The following WDHD1 variants were observed in gnomAD, a reference collection of about 807,000 sequenced individuals.
The protein encoded by WDHD1 is WD repeat and HMG-box DNA binding protein 1.
In WDHD1, 111 loss-of-function variants were observed where a neutral mutation model predicts 135.4. The observed-to-expected ratio is 0.82, with a 90% CI of 0.70 to 0.96. The LOEUF (loss-of-function observed/expected upper bound fraction) is 0.96. WDHD1 is among the 40% of genes least tolerant of loss of function. The probability of loss-of-function intolerance (pLI) is 0.00; values close to 1 mark genes in which losing one functional copy is unlikely to be tolerated. For synonymous variants in WDHD1, 434 were observed against 439.0 expected (o/e 0.99, Z 0.14); for missense variants, 1,351 against 1,336.3 (o/e 1.01, Z -0.17).
At chr14:54,950,153 T>A (rs2041017819) in intron 24 of WDHD1, among the ~76,000 whole-genome samples, 1 of 152,150 alleles carries the variant, frequency 6.6e-6, no homozygotes, top group Non-Finnish European at 1.5e-5. Context: ...ATATTAACCT[T>A]AAATGTAAAT....
At chr14:54,981,470 G>T (rs1008299081) in intron 16 of WDHD1, 70 bp downstream of exon 16, 2 of 1,424,504 alleles carry the variant, frequency 1.4e-6, no homozygotes, top group Non-Finnish European at 9.7e-7. Context: ...TACACTTAAA[G>T]GGCCTCATAA....
chr14:54,946,398 T>C (rs190422790), intron 24 of WDHD1, among the ~76,000 whole-genome samples: 1 of 152,322 alleles, frequency 6.6e-6, no homozygotes, highest in East Asian at 1.9e-4. Flanking sequence ...GACAAAATAT[T>C]AGTTTCAATA....
chr14:54,986,965 T>C (rs1381022922), intron 14 of WDHD1, among the ~76,000 whole-genome samples, 181 bp downstream of exon 14: 4 of 152,236 alleles, frequency 2.6e-5, no homozygotes, highest in African/African-American at 9.6e-5. Flanking sequence ...AATATAGTTC[T>C]ATTAAGAAAC....
rs761473569 is a variant in WDHD1, at chr14:54,966,530, C to T, written c.2255G>A (p.Ser752Asn). Residue 752 changes from serine to asparagine, a missense_variant, in exon 18 of 26, where the codon AGC (serine) becomes AAC (asparagine). Ser to Asn is a conservative substitution (Grantham distance 46, BLOSUM62 1). Coordinates refer to ENST00000360586, the MANE Select transcript of WDHD1 (RefSeq NM_007086.4). ...CTCTTTTGTTGCTTGATTTTTAGTG[C>T]TCTCTTCATATTCATAACCATTTTT... ...LAKNGYEYEE[S>N]TKNQATKEQQ... 7 of 1,608,408 alleles carry T rather than the reference C, an allele frequency of 4.4e-6. No homozygotes were observed. The highest frequency in any genetic ancestry group is 5.1e-6 in the Non-Finnish European group (6 of 1,178,850).
In WDHD1 at chr14:54,987,538, T is replaced by G. The variant is rs1247396726; in HGVS notation, c.1527-151A>C. ...AGAAGTTGCTTTAAAAAAGTAATTA[T>G]GAAATACCCTTAAAATGAACTATAT... On this transcript the variant is annotated intron_variant, in intron 13 of 25. Coordinates refer to ENST00000360586, the MANE Select transcript of WDHD1 (RefSeq NM_007086.4). The G allele has an allele frequency of 3.2e-5, 19 of 593,620 alleles. 1 individual carries two copies. In the East Asian group the frequency reaches 5.9e-4, roughly 18 times the overall value. The allele number at this position is 593,620 out of a possible 1,614,324, so 36.8% of individuals were successfully genotyped here.
intron 17 of WDHD1, among the ~76,000 whole-genome samples, chr14:54,966,842 T>C (rs1446349347): frequency 6.6e-6 from 1 of 152,234 alleles, no homozygotes; most frequent in Non-Finnish European, 1.5e-5. Context: ...CTAGCTATCA[T>C]AATTAATGCT....
Position 54,983,222 on chromosome 14 carries a change from CA to C in WDHD1, c.1906+1500del, listed in dbSNP as rs199629797. 1.9e-3 allele frequency among the ~76,000 whole-genome samples: 294 copies of C among 152,096 alleles called. 1 individual carries two copies. The East Asian group carries it at 0.021, about 11-fold the overall frequency. ...AAATAAGGTACTCCTCAGTGTCTTT[CA>C]AATCATCTGTCATAAGCCTCTAGAA... On this transcript the variant is annotated intron_variant, in intron 15 of 25. Coordinates refer to ENST00000360586, the MANE Select transcript of WDHD1 (RefSeq NM_007086.4).
intron 17 of WDHD1, 121 bp downstream of exon 17, chr14:54,967,159 C>G (rs753834649): frequency 1.2e-5 from 10 of 800,346 alleles, no homozygotes; most frequent in Non-Finnish European, 1.6e-5. Flanking sequence ...CCTGCTACCC[C>G]TATTTATGTA....
intron 12 of WDHD1, among the ~76,000 whole-genome samples, chr14:54,990,210 A>G (rs1218347299): frequency 3.3e-5 from 5 of 152,190 alleles, no homozygotes; most frequent in African/African-American, 1.2e-4. Flanking sequence ...TGCCAGGCCT[A>G]TACTCTTCAA....
intron 22 of WDHD1, 76 bp downstream of exon 22, chr14:54,957,516 C>G (rs2041180083): frequency 7.8e-7 from 1 of 1,283,658 alleles, no homozygotes; most frequent in Non-Finnish European, 1.1e-6. Context: ...TGGGGAGAGT[C>G]ATCTCATCAT....
intron 15 of WDHD1, among the ~76,000 whole-genome samples, chr14:54,982,441 C>G (rs2041634069): frequency 6.6e-6 from 1 of 152,138 alleles, no homozygotes; most frequent in African/African-American, 2.4e-5. Context: ...TAGTACTCTT[C>G]TTCCTCTCTC....
At chr14:55,026,588 A>G (rs2042446541) in intron 2 of WDHD1, 123 bp downstream of exon 2, 2 of 949,370 alleles carry the variant, frequency 2.1e-6, no homozygotes, top group Non-Finnish European at 3.3e-6. Context: ...TATGTGTGCC[A>G]TTTTAGATTT....
At chr14:54,944,557 T>A (rs548853249) in intron 24 of WDHD1, 87 bp from the exon 25 acceptor site, 2 of 1,257,184 alleles carry the variant, frequency 1.6e-6, no homozygotes, top group African/African-American at 3.1e-5. Flanking sequence ...CAACCATAAG[T>A]CTCTGACATC....
chr14:54,991,762 A>G (rs1171729042), intron 11 of WDHD1, among the ~76,000 whole-genome samples: 1 of 152,166 alleles, frequency 6.6e-6, no homozygotes, highest in Non-Finnish European at 1.5e-5. Context: ...GAAAAAAAGC[A>G]CTTATGCAAT....
At chr14:55,025,301 C>G (rs982975995) in intron 2 of WDHD1, among the ~76,000 whole-genome samples, 1 of 150,402 alleles carries the variant, frequency 6.6e-6, no homozygotes, top group Non-Finnish European at 1.5e-5. Flanking sequence ...ACACATCCCC[C>G]TCTTCGAGAA....
At chr14:54,987,420 C>G (rs753962729) in intron 13 of WDHD1, 33 bp from the exon 14 acceptor site, 1 of 1,580,788 alleles carries the variant, frequency 6.3e-7, no homozygotes. Flanking sequence ...AACAATCAAA[C>G]TTTCATATGA....
At chr14:54,950,798 TC>T (rs1169663194) in intron 24 of WDHD1, among the ~76,000 whole-genome samples, 1 of 152,132 alleles carries the variant, frequency 6.6e-6, no homozygotes, top group African/African-American at 2.4e-5. Context: ...ACAAACTGTC[TC>T]TCAGACCACA....
chr14:54,956,820 GCT>G (rs1392267139), intron 23 of WDHD1, among the ~76,000 whole-genome samples: 3 of 152,124 alleles, frequency 2.0e-5, no homozygotes, highest in Non-Finnish European at 4.4e-5. Context: ...AAACTCCTGG[GCT>G]CAAGTGATCC....
rs192223340 is a variant in WDHD1, at chr14:55,000,452, T to C, written c.942+51A>G. The C allele has an allele frequency of 6.9e-4, 1,033 of 1,506,958 alleles. 10 individuals are homozygous for C. The highest frequency in any genetic ancestry group is 1.3e-4 in the Non-Finnish European group (145 of 1,125,716). 93.3% of individuals were successfully genotyped at this position (1,506,958 alleles called of 1,614,324 possible). On this transcript the variant is annotated intron_variant, in intron 10 of 25. Transcript: ENST00000360586. ...CAGTTTGTGGTGTCTTCCAAATCCA[T>C]ATGATCACAGAAACATTTTGAAGAA...
Sources: gnomAD v4.1 joint callset for allele counts (sites outside exome capture counted in the v4.1 genomes callset) on GRCh38, gnomAD v4.1.1 for gene constraint, MANE v1.5 for transcripts, NCBI Gene and HGNC (gene_info 2026-07-23, HGNC 2026-07-21) for gene names.